Variants in CCSER1 observed in about 807,000 individuals in gnomAD.
CCSER1 encodes the protein coiled-coil serine rich protein 1, also known as serine-rich coiled-coil domain-containing protein 1.
CCSER1 carries 41 observed loss-of-function variants against 82.0 expected under a neutral mutation model. The ratio of observed to expected loss-of-function variants is 0.50; its 90% CI spans 0.39 to 0.65. CCSER1 has a LOEUF of 0.65. CCSER1 is among the 30% of genes least tolerant of loss of function. The pLI, the probability that CCSER1 is intolerant of heterozygous loss-of-function variation, is 0.00. For synonymous variants in CCSER1, 414 were observed against 383.9 expected (o/e 1.08, Z -0.92); for missense variants, 1,119 against 1,064.2 (o/e 1.05, Z -0.72).
intron 10 of CCSER1, among the ~76,000 whole-genome samples, chr4:91,330,951 G>A (rs1052293375): frequency 6.6e-6 from 1 of 152,122 alleles, no homozygotes; most frequent in African/African-American, 2.4e-5. Context: ...TGTTCAGCCT[G>A]GGACATGAAT....
chr4:90,275,388 A>C (rs910592233), intron 1 of CCSER1, among the ~76,000 whole-genome samples: 7 of 152,168 alleles, frequency 4.6e-5, no homozygotes, highest in Non-Finnish European at 8.8e-5. Context: ...AATAAATACA[A>C]ATGTGAAAAT....
At chr4:91,485,465 G>A (rs1019354429) in intron 10 of CCSER1, among the ~76,000 whole-genome samples, 3 of 152,096 alleles carry the variant, frequency 2.0e-5, no homozygotes, top group Middle Eastern at 3.2e-3. Context: ...ACAAAAATAT[G>A]GGCCTGTATT....
At chr4:91,017,592 G>C (rs1272186839) in intron 9 of CCSER1, among the ~76,000 whole-genome samples, 1 of 151,992 alleles carries the variant, frequency 6.6e-6, no homozygotes, top group Non-Finnish European at 1.5e-5. Flanking sequence ...ATAGTATCCA[G>C]GTTGCCTTAC....
intron 10 of CCSER1, among the ~76,000 whole-genome samples, chr4:91,514,375 A>G (rs1176147366): frequency 1.3e-5 from 2 of 152,090 alleles, no homozygotes; most frequent in African/African-American, 4.8e-5. Context: ...ATGGTTATGT[A>G]TGTGGTTGAT....
At chr4:91,009,976 T>A (rs1188930578) in intron 9 of CCSER1, among the ~76,000 whole-genome samples, 1 of 152,228 alleles carries the variant, frequency 6.6e-6, no homozygotes, top group African/African-American at 2.4e-5. Flanking sequence ...ACTGTATATT[T>A]ACCTTTACCT....
chr4:91,391,949 C>T (rs1270372896), intron 10 of CCSER1, among the ~76,000 whole-genome samples: 2 of 151,956 alleles, frequency 1.3e-5, no homozygotes, highest in Non-Finnish European at 2.9e-5. Context: ...TACATATACA[C>T]ATAAACATAC....
At chr4:91,262,851 T>C (rs191518401) in intron 10 of CCSER1, among the ~76,000 whole-genome samples, 2,401 of 141,950 alleles carry the variant, frequency 0.017, 86 homozygotes, top group African/African-American at 0.062. Flanking sequence ...TCTTATCATA[T>C]GAAAAAAAAA....
chr4:91,500,793 G>A (rs913527289), intron 10 of CCSER1, among the ~76,000 whole-genome samples: 1 of 151,884 alleles, frequency 6.6e-6, no homozygotes, highest in Non-Finnish European at 1.5e-5. Flanking sequence ...AGCTTTTTGG[G>A]AAACAGGTGG....
At chr4:91,176,359 A>C (rs1733358638) in intron 10 of CCSER1, among the ~76,000 whole-genome samples, 1 of 152,198 alleles carries the variant, frequency 6.6e-6, no homozygotes, top group South Asian at 2.1e-4. Flanking sequence ...AATTCTGTGA[A>C]GAAAGTCATT....
chr4:90,998,998 T>A (rs960369173), intron 9 of CCSER1, among the ~76,000 whole-genome samples: 5 of 152,186 alleles, frequency 3.3e-5, no homozygotes, highest in African/African-American at 1.2e-4. Flanking sequence ...TAGTTTTATG[T>A]TCCTGTATTA....
chr4:90,794,913 T>C (rs1011364102), intron 7 of CCSER1, among the ~76,000 whole-genome samples: 1 of 152,158 alleles, frequency 6.6e-6, no homozygotes, highest in Non-Finnish European at 1.5e-5. Flanking sequence ...TCTAAGTATA[T>C]TTTTGTGTGT....
intron 10 of CCSER1, among the ~76,000 whole-genome samples, chr4:91,260,902 A>G (rs552535640): frequency 6.6e-6 from 1 of 152,054 alleles, no homozygotes; most frequent in African/African-American, 2.4e-5. Context: ...CTGGGACTAC[A>G]GGCGCCCGCT....
chr4:91,174,641 C>T (rs1190036749), intron 10 of CCSER1, among the ~76,000 whole-genome samples: 2 of 151,952 alleles, frequency 1.3e-5, no homozygotes, highest in African/African-American at 2.4e-5. Flanking sequence ...ATAATTTGTA[C>T]TACTAAAAAT....
At position 91,440,965 on chromosome 4, in the gene CCSER1, G is replaced by T. The variant is rs1252160714; in HGVS notation, c.2218-157607G>T. Among the ~76,000 whole-genome samples the T allele has an allele frequency of 7.9e-5, 12 of 152,010 alleles. No individual in the cohort carries two copies. The South Asian group carries it at 2.5e-3, about 32-fold the overall frequency. ...TAGACCAATAACAGGATCTGAAATT[G>T]TGGCAATAATCAATAGCTTACCAAC... is the stretch of plus-strand genomic sequence containing the variant. On this transcript the variant is annotated intron_variant, in intron 10 of 10. Transcript: ENST00000509176.
intron 10 of CCSER1, among the ~76,000 whole-genome samples, chr4:91,568,400 A>G (rs919422003): frequency 6.6e-6 from 1 of 150,766 alleles, no homozygotes; most frequent in African/African-American, 2.5e-5. Context: ...CCTCTCTAAC[A>G]AGGTTTGGAT....
chr4:90,696,184 G>A (rs2149256268), intron 6 of CCSER1, among the ~76,000 whole-genome samples: 1 of 152,056 alleles, frequency 6.6e-6, no homozygotes, highest in East Asian at 1.9e-4. Flanking sequence ...ACCAGTCAAG[G>A]TGAATAATGT....
chr4:90,457,528 G>C (rs114623219), intron 4 of CCSER1, among the ~76,000 whole-genome samples: 1,778 of 152,212 alleles, frequency 0.012, 15 homozygotes, highest in South Asian at 0.022. Flanking sequence ...ACCTGAAGTG[G>C]GTAGCTTCTT....
intron 5 of CCSER1, among the ~76,000 whole-genome samples, chr4:90,579,255 G>A (rs942100730): frequency 6.6e-6 from 1 of 152,136 alleles, no homozygotes; most frequent in Admixed American, 6.5e-5. Flanking sequence ...TTGTTTGATT[G>A]TGTATAATGC....
intron 5 of CCSER1, among the ~76,000 whole-genome samples, chr4:90,564,356 A>G (rs1287093708): frequency 6.6e-6 from 1 of 152,086 alleles, no homozygotes; most frequent in African/African-American, 2.4e-5. Flanking sequence ...CACCCAGTCC[A>G]TTGTTTAAAA....
Sources: allele counts gnomAD v4.1 joint callset (sites outside exome capture counted in the v4.1 genomes callset), GRCh38; gene constraint gnomAD v4.1.1; transcripts MANE v1.5; gene names NCBI Gene and HGNC (gene_info 2026-07-23, HGNC 2026-07-21).